Variants in NECTIN3 observed in about 807,000 individuals in gnomAD.
NECTIN3 encodes nectin cell adhesion molecule 3.
In NECTIN3, 8 loss-of-function variants were observed where a neutral mutation model predicts 49.4. The observed-to-expected ratio is 0.16, with a 90% CI of 0.10 to 0.29. The LOEUF is 0.29. Among genes scored for constraint, NECTIN3 ranks in the 10% least tolerant of loss-of-function variants. The pLI, the probability that NECTIN3 is intolerant of heterozygous loss-of-function variation, is 1.00. For synonymous variants in NECTIN3, 277 were observed against 241.1 expected (o/e 1.15, Z -1.38); for missense variants, 581 against 654.6 (o/e 0.89, Z 1.23).
intron 2 of NECTIN3, among the ~76,000 whole-genome samples, chr3:111,116,928 G>A (rs1248175046): frequency 2.0e-5 from 3 of 151,932 alleles, no homozygotes; most frequent in African/African-American, 7.2e-5. Flanking sequence ...ACTGTGGAAA[G>A]GTTTTTGAAA....
At chr3:111,144,894 T>C (rs936709416) in intron 5 of NECTIN3, 1 of 1,532,248 alleles carries the variant, frequency 6.5e-7, no homozygotes, top group Non-Finnish European at 8.7e-7. Context: ...TTTGTTACTT[T>C]ACAGATGTTC....
At chr3:111,165,572 G>A (rs1394375462) in intron 7 of NECTIN3, among the ~76,000 whole-genome samples, 3 of 152,112 alleles carry the variant, frequency 2.0e-5, no homozygotes, top group East Asian at 1.9e-4. Context: ...GCCGGAGTAC[G>A]GTATGGAATT....
intron 7 of NECTIN3, among the ~76,000 whole-genome samples, chr3:111,166,910 AAGAT>A: frequency 6.6e-6 from 1 of 152,318 alleles, no homozygotes; most frequent in South Asian, 2.1e-4. Context: ...ATATTTAATA[AAGAT>A]AGGTAGGTAG....
chr3:111,135,315 C>G lies in NECTIN3; in HGVS notation c.*1100C>G. ...GCTAATGGACATTGGCATTCATCTC[C>G]TTTTTCCTCCTAAGTGTATGTATGT... On this transcript the variant is annotated 3_prime_UTR_variant, in exon 6 of 6. Transcript: ENST00000485303. 1.1e-6 allele frequency: 1 copy of G among 951,202 alleles called. No homozygotes were observed. The highest frequency in any genetic ancestry group is 1.8e-5 in the African/African-American group (1 of 56,360). The allele number at this position is 951,202 out of a possible 1,614,324, so 58.9% of individuals were successfully genotyped here. A position where few individuals can be genotyped will look rare whatever the true frequency, so the allele number is the denominator to read the frequency against.
At chr3:111,182,361 G>A (rs2035643001) in intron 7 of NECTIN3, among the ~76,000 whole-genome samples, 1 of 152,030 alleles carries the variant, frequency 6.6e-6, no homozygotes, top group Non-Finnish European at 1.5e-5. Context: ...TGATAGTGTT[G>A]TTCAAGTCTT....
chr3:111,111,883 A>C (rs1231151756), intron 1 of NECTIN3, 147 bp from the exon 2 acceptor site: 1 of 529,302 alleles, frequency 1.9e-6, no homozygotes. Context: ...GTGTGAGTGC[A>C]TGTGTGTGTG....
intron 5 of NECTIN3, among the ~76,000 whole-genome samples, chr3:111,144,483 AT>A (rs1000614998): frequency 6.6e-6 from 1 of 151,820 alleles, no homozygotes; most frequent in South Asian, 2.1e-4. Flanking sequence ...TTGTTAATAA[AT>A]TTTTTTATTT....
At position 111,085,605 on chromosome 3, in the gene NECTIN3, T is replaced by G. The variant is rs558890136; in HGVS notation, c.160+13428T>G. Among the ~76,000 whole-genome samples, 4 of 152,316 alleles carry G rather than the reference T, an allele frequency of 2.6e-5. No homozygotes were observed. The East Asian group carries it at 5.8e-4, about 22-fold the overall frequency. On this transcript the variant is annotated intron_variant, in intron 1 of 5. Coordinates refer to ENST00000485303, the MANE Select transcript of NECTIN3 (RefSeq NM_015480.3). ...CTTTTCTCTTAACCACCATTCTGAC[T>G]TCTAGCACCACACATTAGTTTTTCC...
chr3:111,147,569 T>C, intron 7 of NECTIN3: 1 of 1,121,060 alleles, frequency 8.9e-7, no homozygotes, highest in Non-Finnish European at 1.3e-6. Flanking sequence ...TTCAAAATGT[T>C]GTTTAGTCAT....
chr3:111,142,464 G>A (rs2034770752), downstream of NECTIN3, among the ~76,000 whole-genome samples: 1 of 151,778 alleles, frequency 6.6e-6, no homozygotes, highest in South Asian at 2.1e-4. Context: ...TTGTGATATA[G>A]TCAACTCTCA....
chr3:111,086,396 CTTTA>C (rs970857253), intron 1 of NECTIN3, among the ~76,000 whole-genome samples: 11 of 152,020 alleles, frequency 7.2e-5, no homozygotes, highest in African/African-American at 2.4e-4. Context: ...CCGCTAGAAT[CTTTA>C]TTATTTGCCT....
intron 7 of NECTIN3, among the ~76,000 whole-genome samples, chr3:111,153,785 C>T (rs2035043936): frequency 6.6e-6 from 1 of 152,040 alleles, no homozygotes; most frequent in Non-Finnish European, 1.5e-5. Flanking sequence ...ATGGAGTCTA[C>T]ACTGTTTGAT....
In NECTIN3 at chr3:111,133,640, C is replaced by T; in HGVS notation, c.1075C>T (p.Pro359Ser). 1.9e-6 allele frequency: 3 copies of T among 1,612,334 alleles called. No individual in the cohort carries two copies. Among genetic ancestry groups the T allele is most frequent in the East Asian group, 4.5e-5 (2 of 44,878 alleles). The change falls in exon 6 of 6, where the codon CCT becomes TCT. Residue 359 changes from proline to serine, a missense_variant. By Grantham distance (74) the Pro-to-Ser change is moderately conservative. Around this residue, in one of 3 missense-constraint regions of NECTIN3, gnomAD observed 238 missense variants for 244.9 expected, o/e 0.97. Coordinates refer to ENST00000485303, the MANE Select transcript of NECTIN3 (RefSeq NM_015480.3). ...DQKVIYISDPPTTTTLQPTIQ... is the reference protein window; with the variant it reads ...DQKVIYISDPSTTTTLQPTIQ... ...ATCTTTACTGTTTCCATTAGATCCTCCTACTACTACCACCCTTCAGCCTAC... is the reference window on the plus strand; with the variant it reads ...ATCTTTACTGTTTCCATTAGATCCTTCTACTACTACCACCCTTCAGCCTAC...
At chr3:111,155,929 G>A (rs1464447772) in intron 7 of NECTIN3, among the ~76,000 whole-genome samples, 2 of 152,106 alleles carry the variant, frequency 1.3e-5, no homozygotes, top group East Asian at 1.9e-4. Flanking sequence ...AAATACTAGT[G>A]GGGAGACTTA....
At chr3:111,159,304 A>G (rs767598633) in intron 7 of NECTIN3, among the ~76,000 whole-genome samples, 2 of 152,152 alleles carry the variant, frequency 1.3e-5, no homozygotes, top group Admixed American at 1.3e-4. Flanking sequence ...TTCCACTCCC[A>G]TTATAGTTCT....
intron 7 of NECTIN3, among the ~76,000 whole-genome samples, chr3:111,179,496 C>G (rs774459823): frequency 6.6e-6 from 1 of 152,148 alleles, no homozygotes; most frequent in African/African-American, 2.4e-5. Context: ...CTGTCATTCT[C>G]TTAGTGGGTT....
chr3:111,157,193 C>T (rs1451405761), intron 7 of NECTIN3, among the ~76,000 whole-genome samples: 1 of 152,118 alleles, frequency 6.6e-6, no homozygotes, highest in East Asian at 1.9e-4. Flanking sequence ...ATTGATACTG[C>T]TTTACAAATA....
chr3:111,158,911 T>C (rs2107518223), intron 7 of NECTIN3, among the ~76,000 whole-genome samples: 1 of 152,284 alleles, frequency 6.6e-6, no homozygotes, highest in Non-Finnish European at 1.5e-5. Flanking sequence ...AACCCAGTTT[T>C]TTAAAATGAG....
At chr3:111,139,341 C>A (rs1436779960), downstream of NECTIN3, among the ~76,000 whole-genome samples, 1 of 151,700 alleles carries the variant, frequency 6.6e-6, no homozygotes, top group Admixed American at 6.6e-5. Flanking sequence ...TGTTTACCCC[C>A]ACCCCATTTT....
Sources: gnomAD v4.1 joint callset for allele counts (sites outside exome capture counted in the v4.1 genomes callset) on GRCh38, gnomAD v4.1.1 for gene constraint, gnomAD v4.1.1 regional missense constraint, MANE v1.5 for transcripts, NCBI Gene and HGNC (gene_info 2026-07-23, HGNC 2026-07-21) for gene names.